EFCAB13: variants seen among roughly 807,000 people sequenced by gnomAD.
The protein encoded by EFCAB13 is EF-hand calcium binding domain 13.
Under a neutral mutation model 110.2 loss-of-function variants are expected in EFCAB13, and 91 were observed. The ratio of observed to expected loss-of-function variants is 0.83; its 90% CI spans 0.70 to 0.98. EFCAB13 has a LOEUF of 0.98. Ranked by LOEUF, EFCAB13 falls within the 50% of genes least tolerant of loss-of-function variation. EFCAB13 has a pLI of 0.00. For synonymous variants in EFCAB13, 323 were observed against 369.9 expected (o/e 0.87, Z 1.45); for missense variants, 968 against 1,119.4 (o/e 0.86, Z 1.93).
chr17:47,385,043 T>A (rs1057489724), intron 14 of EFCAB13, among the ~76,000 whole-genome samples: 1 of 152,176 alleles, frequency 6.6e-6, no homozygotes, highest in Non-Finnish European at 1.5e-5. Context: ...AGTGCTGGAA[T>A]TACAGGCGTG....
chr17:47,419,360 A>T (rs1029379794), intron 23 of EFCAB13, among the ~76,000 whole-genome samples: 1 of 152,110 alleles, frequency 6.6e-6, no homozygotes, highest in African/African-American at 2.4e-5. Flanking sequence ...TTGGGGGAGG[A>T]TCGTTTGAGG....
In EFCAB13 at chr17:47,344,190, AG is replaced by A; in HGVS notation, c.334del (p.Glu112ArgfsTer3). ...EIIPPFLKLS[K>X]EKVTRKENSL... ...ATCCCTCCTTTTCTGAAGCTGTCAA[AG>A]GAGAAGGTGACAAGGAAAGAAAACT... On this transcript the variant is annotated frameshift_variant, in exon 7 of 25. Coordinates refer to ENST00000331493, the MANE Select transcript of EFCAB13 (RefSeq NM_152347.5). LOFTEE classifies it high-confidence loss of function. The A allele has an allele frequency of 6.2e-7, 1 of 1,613,138 alleles. No individual in the cohort carries two copies. The highest frequency in any genetic ancestry group is 8.5e-7 in the Non-Finnish European group (1 of 1,179,284).
chr17:47,330,098 C>T (rs574114648), intron 4 of EFCAB13, among the ~76,000 whole-genome samples: 50 of 151,950 alleles, frequency 3.3e-4, no homozygotes, highest in African/African-American at 1.0e-3. Context: ...GACTGGATGC[C>T]GCCAGTTGTC....
intron 23 of EFCAB13, chr17:47,423,676 A>T: frequency 2.2e-6 from 1 of 456,388 alleles, no homozygotes; most frequent in Non-Finnish European, 3.5e-6. Flanking sequence ...CGGGGTCCGC[A>T]CGACGTGTCA....
At chr17:47,324,714 G>A (rs2065270681) in intron 2 of EFCAB13, among the ~76,000 whole-genome samples, 191 bp downstream of exon 2, 1 of 151,934 alleles carries the variant, frequency 6.6e-6, no homozygotes, top group African/African-American at 2.4e-5. Flanking sequence ...GAGGAAAGAG[G>A]AAGGTATTTT....
chr17:47,395,308 G>C (rs1398061890), intron 16 of EFCAB13, among the ~76,000 whole-genome samples: 1 of 152,148 alleles, frequency 6.6e-6, no homozygotes, highest in Non-Finnish European at 1.5e-5. Flanking sequence ...CTTCCTAACT[G>C]TCTAATCTTC....
intron 24 of EFCAB13, among the ~76,000 whole-genome samples, chr17:47,434,023 CACAGTTTAA>C (rs1365833295): frequency 1.3e-5 from 2 of 151,650 alleles, no homozygotes; most frequent in Non-Finnish European, 2.9e-5. Context: ...TGTCAAATAC[CACAGTTTAA>C]AAGTTGCTGT....
At chr17:47,351,936 C>G (rs1345608306) in intron 9 of EFCAB13, among the ~76,000 whole-genome samples, 1 of 137,066 alleles carries the variant, frequency 7.3e-6, no homozygotes, top group Non-Finnish European at 1.5e-5. Context: ...GAGTCTCGCT[C>G]TGTTGTCCAG....
chr17:47,334,591 T>C (rs1247173054), intron 4 of EFCAB13, among the ~76,000 whole-genome samples: 1 of 152,092 alleles, frequency 6.6e-6, no homozygotes, highest in Non-Finnish European at 1.5e-5. Flanking sequence ...TGGCAAAGAG[T>C]ATGATAAACT....
chr17:47,402,767 T>C (rs1426996461), intron 18 of EFCAB13, among the ~76,000 whole-genome samples: 1 of 152,124 alleles, frequency 6.6e-6, no homozygotes, highest in East Asian at 1.9e-4. Flanking sequence ...CCTCAGAGAA[T>C]GTGAAGGAGT....
chr17:47,369,307 C>T (rs1192649784), intron 10 of EFCAB13, among the ~76,000 whole-genome samples: 2 of 152,186 alleles, frequency 1.3e-5, no homozygotes, highest in African/African-American at 2.4e-5. Flanking sequence ...TTATTCCCAA[C>T]TCATTGAAGG....
At chr17:47,366,033 T>C (rs1250449752) in intron 10 of EFCAB13, among the ~76,000 whole-genome samples, 1 of 152,144 alleles carries the variant, frequency 6.6e-6, no homozygotes, top group African/African-American at 2.4e-5. Flanking sequence ...AGGAATAATA[T>C]AACACAGTCC....
At chr17:47,397,028 C>T (rs1233382045) in intron 17 of EFCAB13, among the ~76,000 whole-genome samples, 1 of 138,328 alleles carries the variant, frequency 7.2e-6, no homozygotes, top group Admixed American at 7.2e-5. Context: ...CTCTCCCCCT[C>T]CCCCTCCCCC....
At chr17:47,350,054 G>A (rs2136749) in intron 9 of EFCAB13, among the ~76,000 whole-genome samples, 46,383 of 151,946 alleles carry the variant, frequency 0.31, 8,562 homozygotes, top group Admixed American at 0.4. Context: ...GATTACAGGT[G>A]TGAGCCACCG....
chr17:47,420,445 C>T (rs893172339), intron 23 of EFCAB13, among the ~76,000 whole-genome samples: 11 of 151,776 alleles, frequency 7.2e-5, no homozygotes, highest in Non-Finnish European at 1.0e-4. Context: ...GCCTGGCTGC[C>T]CAGTCTGGAA....
Position 47,335,309 on chromosome 17 carries a change from G to A in EFCAB13, c.144G>A (p.Lys48=). 1 of 1,604,976 alleles carries A rather than the reference G, an allele frequency of 6.2e-7. No homozygotes were observed. Among genetic ancestry groups the A allele is most frequent in the Non-Finnish European group, 8.5e-7 (1 of 1,177,058 alleles). ...TCAAGTTTTCTAAAACAATAGAGAA[G>A]GAAATTTCACCGGAAATTAGGAGTT... is the stretch of plus-strand genomic sequence containing the variant. The part of the protein sequence containing the change: ...KYIKFSKTIE[K]EISPEIRSLS... The change falls in exon 5 of 25, where the codon AAG becomes AAA. Residue 48 remains lysine, a synonymous_variant. Transcript: ENST00000331493.
chr17:47,426,058 A>G (rs748417930), intron 23 of EFCAB13, among the ~76,000 whole-genome samples: 15 of 152,190 alleles, frequency 9.9e-5, no homozygotes, highest in South Asian at 6.2e-4. Context: ...CCAAACCACT[A>G]TGCTCTTCAG....
intron 3 of EFCAB13, 34 bp from the exon 4 acceptor site, chr17:47,328,235 A>G (rs2065298836): frequency 1.1e-6 from 1 of 883,292 alleles, no homozygotes; most frequent in Non-Finnish European, 1.9e-6. Context: ...GTTCTAAACA[A>G]GCGTATGATT....
At chr17:47,369,422 A>T (rs879381499) in intron 10 of EFCAB13, among the ~76,000 whole-genome samples, 4 of 152,238 alleles carry the variant, frequency 2.6e-5, no homozygotes, top group Non-Finnish European at 5.9e-5. Flanking sequence ...GTTCAACATC[A>T]CTTTACTTGG....
Sources: gnomAD v4.1 joint callset for allele counts (sites outside exome capture counted in the v4.1 genomes callset) on GRCh38, gnomAD v4.1.1 for gene constraint, MANE v1.5 for transcripts, NCBI Gene and HGNC (gene_info 2026-07-23, HGNC 2026-07-21) for gene names.